CNTLN: variants seen among roughly 807,000 people sequenced by gnomAD.
CNTLN encodes centlein, centrosomal protein.
A neutral mutation model predicts 180.0 loss-of-function variants in CNTLN; 212 were observed. The observed-to-expected ratio is 1.18, with a 90% confidence interval of 1.05 to 1.32. The LOEUF (loss-of-function observed/expected upper bound fraction) is 1.32. Ranked by LOEUF, CNTLN falls within the 40% of genes most tolerant of loss-of-function variation. The probability of loss-of-function intolerance (pLI) is 0.00; values close to 1 mark genes in which losing one functional copy is unlikely to be tolerated. For missense variants in CNTLN, 2,095 were observed against 1,610.9 expected, an observed-to-expected ratio of 1.30 and a Z score of -5.14; for synonymous variants, 722 against 563.1, an observed-to-expected ratio of 1.28 and a Z score of -3.99.
chr9:17,513,725 A>G, the CNTLN span, among the ~76,000 whole-genome samples: 1 of 152,154 alleles, frequency 6.6e-6, no homozygotes, highest in African/African-American at 2.4e-5. Context: ...TAAATAAGAA[A>G]TAAATAAAAT....
the CNTLN span, among the ~76,000 whole-genome samples, chr9:17,509,697 A>G: frequency 6.6e-6 from 1 of 152,160 alleles, no homozygotes; most frequent in Admixed American, 6.5e-5. Flanking sequence ...TCCCATAGCC[A>G]GGGTTCATGG....
At chr9:17,498,864 G>A (rs998068817) in intron 25 of CNTLN, among the ~76,000 whole-genome samples, 1 of 152,120 alleles carries the variant, frequency 6.6e-6, no homozygotes, top group Non-Finnish European at 1.5e-5. Flanking sequence ...CAGTCAGATT[G>A]CCACTTCTAT....
chr9:17,444,231 G>A (rs1256880417), intron 18 of CNTLN: 2 of 152,176 alleles, frequency 1.3e-5, no homozygotes, highest in Admixed American at 1.3e-4. Flanking sequence ...CTCTGGCCAT[G>A]CGTATTGGCC....
chr9:17,361,040 A>G (rs894892241), intron 12 of CNTLN, among the ~76,000 whole-genome samples: 3 of 152,118 alleles, frequency 2.0e-5, no homozygotes, highest in African/African-American at 4.8e-5. Flanking sequence ...CAGTTTAAAT[A>G]TCTTCAGTTT....
At chr9:17,332,818 C>T in intron 10 of CNTLN, 88 bp downstream of exon 10, 1 of 1,065,932 alleles carries the variant, frequency 9.4e-7, no homozygotes, top group South Asian at 2.6e-5. Flanking sequence ...TACTAGTTGT[C>T]CTTTTTCTTT....
intron 2 of CNTLN, among the ~76,000 whole-genome samples, chr9:17,192,384 G>C (rs907562520): frequency 1.3e-5 from 2 of 151,782 alleles, no homozygotes; most frequent in Non-Finnish European, 2.9e-5. Context: ...GATTACAGGC[G>C]CCTGCCACCG....
At chr9:17,412,240 C>G (rs539991915) in intron 16 of CNTLN, among the ~76,000 whole-genome samples, 2 of 152,270 alleles carry the variant, frequency 1.3e-5, no homozygotes, top group African/African-American at 4.8e-5. Flanking sequence ...CTTGCCCCAT[C>G]AGTGTGGTGT....
In CNTLN at chr9:17,259,377, C is replaced by A. The variant is rs1193858163; in HGVS notation, c.850-14356C>A. Among the ~76,000 whole-genome samples the A allele has an allele frequency of 1.5e-5, 2 of 132,684 alleles. 1 individual carries two copies. 87.0% of individuals were successfully genotyped at this position (132,684 alleles called of 152,430 possible). Reference sequence around the variant, plus strand: ...TGATGTGCTGCTGGATTCAGTTTGCCAGTATTTTATTGAGGATTTTTGCAT... The same window carrying A: ...TGATGTGCTGCTGGATTCAGTTTGCAAGTATTTTATTGAGGATTTTTGCAT... On this transcript the variant is annotated intron_variant, in intron 5 of 25. Transcript: ENST00000380647.
chr9:17,403,991 G>T (rs1827184263), intron 15 of CNTLN, among the ~76,000 whole-genome samples: 1 of 151,632 alleles, frequency 6.6e-6, no homozygotes. Context: ...GGCCAGACTG[G>T]TCATAAACTC....
chr9:17,287,492 G>C (rs1217109211), intron 6 of CNTLN, among the ~76,000 whole-genome samples: 2 of 151,096 alleles, frequency 1.3e-5, no homozygotes, highest in Non-Finnish European at 3.0e-5. Context: ...TCTCTGCCCG[G>C]CTTTGGTATC....
In CNTLN at chr9:17,502,341, A is replaced by G. The variant is rs536618467; in HGVS notation, c.4120-210A>G. Among the ~76,000 whole-genome samples, 7 of 152,242 alleles carry G rather than the reference A, an allele frequency of 4.6e-5. No individual in the cohort carries two copies. In the South Asian group the frequency reaches 1.5e-3, roughly 32 times the overall value. ...TTCAATAAGGCGTTTATCTTTTTTC[A>G]TTTTACTTTTGCTCTTTTGTCATTT... On this transcript the variant is annotated intron_variant, in intron 25 of 25. Transcript: ENST00000380647.
At chr9:17,294,320 A>T (rs566471308) in intron 6 of CNTLN, among the ~76,000 whole-genome samples, 1 of 151,946 alleles carries the variant, frequency 6.6e-6, no homozygotes, top group African/African-American at 2.4e-5. Flanking sequence ...TGATTGGTCC[A>T]TTTTACAGAG....
chr9:17,338,339 T>TTTTTG (rs1821209910), intron 10 of CNTLN, among the ~76,000 whole-genome samples: 4 of 140,260 alleles, frequency 2.9e-5, no homozygotes, highest in African/African-American at 1.1e-4. Flanking sequence ...TAATTTTTGT[T>TTTTTG]TTTTTTTTTT....
rs1459034506 is a variant in CNTLN, at chr9:17,323,612, A to C, written c.1342-7020A>C. Among the ~76,000 whole-genome samples, 3 of 152,234 alleles carry C rather than the reference A, an allele frequency of 2.0e-5. No homozygotes were observed. The East Asian group carries it at 5.8e-4, about 29-fold the overall frequency. ...GAGGGAGAAGCTAAAACACTCCCTC[A>C]TCAGATAATTTGTAAATTACTTTAC... On this transcript the variant is annotated intron_variant, in intron 8 of 25. Coordinates refer to ENST00000380647, the MANE Select transcript of CNTLN (RefSeq NM_017738.4).
intron 6 of CNTLN, among the ~76,000 whole-genome samples, chr9:17,283,829 C>G (rs958197992): frequency 2.0e-5 from 3 of 151,942 alleles, no homozygotes; most frequent in African/African-American, 4.8e-5. Flanking sequence ...TATCGAAGGC[C>G]TTTTCTGTGT....
At chr9:17,197,318 A>T (rs1392557242) in intron 2 of CNTLN, among the ~76,000 whole-genome samples, 3 of 152,168 alleles carry the variant, frequency 2.0e-5, no homozygotes, top group Non-Finnish European at 1.5e-5. Flanking sequence ...TGACTTCTGG[A>T]TAAAAGCCAT....
rs141666172 is a variant in CNTLN, at chr9:17,439,299, G to A, written c.3115-18225G>A. 2.8e-4 allele frequency among the ~76,000 whole-genome samples: 42 copies of A among 152,174 alleles called. No individual in the cohort carries two copies. In the South Asian group the frequency reaches 7.1e-3, roughly 26 times the overall value. On this transcript the variant is annotated intron_variant, in intron 18 of 25. Coordinates refer to ENST00000380647, the MANE Select transcript of CNTLN (RefSeq NM_017738.4). ...CTTTCTCTAAGTATTTATCAAAAATGTTCACATAACTAGGCCACAAAACAA... is the reference window on the plus strand; with the variant it reads ...CTTTCTCTAAGTATTTATCAAAAATATTCACATAACTAGGCCACAAAACAA...
chr9:17,406,062 C>T (rs987859550), intron 15 of CNTLN, among the ~76,000 whole-genome samples: 1 of 151,778 alleles, frequency 6.6e-6, no homozygotes, highest in Non-Finnish European at 1.5e-5. Context: ...AATACAAATT[C>T]CTGGGCTTTA....
intron 2 of CNTLN, among the ~76,000 whole-genome samples, chr9:17,162,415 C>T (rs6475111): frequency 0.29 from 44,476 of 152,098 alleles, 6,858 homozygotes; most frequent in East Asian, 0.48. Context: ...CACCCAGCCT[C>T]GTCTTGCTTT....
Sources: allele counts gnomAD v4.1 joint callset (sites outside exome capture counted in the v4.1 genomes callset), GRCh38; gene constraint gnomAD v4.1.1; transcripts MANE v1.5; gene names NCBI Gene and HGNC (gene_info 2026-07-23, HGNC 2026-07-21).